GAB4: variants seen among roughly 807,000 people sequenced by gnomAD.
The protein encoded by GAB4 is GRB2-associated-binding protein 4.
In GAB4, 26 loss-of-function variants were observed where a neutral mutation model predicts 51.3. The ratio of observed to expected loss-of-function variants is 0.51; its 90% CI spans 0.37 to 0.70. The LOEUF is 0.70. GAB4 is among the 30% of genes least tolerant of loss of function. GAB4 has a pLI of 0.00. For synonymous variants in GAB4, 329 were observed against 291.2 expected, an observed-to-expected ratio of 1.13 and a Z score of -1.32; for missense variants, 759 against 734.6, an observed-to-expected ratio of 1.03 and a Z score of -0.38.
chr22:17,004,759 T>C (rs746000520), intron 1 of GAB4, among the ~76,000 whole-genome samples: 103 of 152,188 alleles, frequency 6.8e-4, no homozygotes, highest in Non-Finnish European at 6.3e-4. Flanking sequence ...AACCACATGA[T>C]TATCTCAATA....
intron 3 of GAB4, among the ~76,000 whole-genome samples, chr22:16,986,802 T>C (rs932534624): frequency 1.3e-5 from 2 of 152,266 alleles, no homozygotes; most frequent in Admixed American, 1.3e-4. Flanking sequence ...GCGGAACTGC[T>C]GAAAGTTCAC....
intron 1 of GAB4, among the ~76,000 whole-genome samples, chr22:16,995,257 G>A (rs77961763): frequency 0.013 from 1,905 of 152,268 alleles, 16 homozygotes; most frequent in East Asian, 0.048. Flanking sequence ...AATGGAATAC[G>A]GTTTCCCAAA....
At chr22:17,004,357 C>T (rs2061022238) in intron 1 of GAB4, among the ~76,000 whole-genome samples, 1 of 152,168 alleles carries the variant, frequency 6.6e-6, no homozygotes, top group Admixed American at 6.5e-5. Flanking sequence ...ATACAAAACC[C>T]TAGCAGAGAC....
At chr22:16,993,762 C>T (rs192460325) in intron 1 of GAB4, among the ~76,000 whole-genome samples, 1 of 152,302 alleles carries the variant, frequency 6.6e-6, no homozygotes, top group African/African-American at 2.4e-5. Context: ...TGTTTTGCAA[C>T]AATTTCTCAA....
At chr22:17,007,891 C>T (rs761926664) in intron 1 of GAB4, 50 bp downstream of exon 1, 2 of 1,509,458 alleles carry the variant, frequency 1.3e-6, no homozygotes, top group Non-Finnish European at 1.8e-6. Flanking sequence ...CTCCCGGAGT[C>T]CCCAGACCCT....
chr22:16,968,522 C>T lies in GAB4; in HGVS notation c.938-139G>A, dbSNP rs1282482450. The T allele has an allele frequency of 6.0e-6, 4 of 665,278 alleles. No individual in the cohort carries two copies. In the South Asian group the frequency reaches 6.8e-5, roughly 11 times the overall value. 41.2% of individuals were successfully genotyped at this position (665,278 alleles called of 1,614,324 possible). On this transcript the variant is annotated intron_variant, in intron 4 of 9. Coordinates refer to ENST00000400588, the MANE Select transcript of GAB4 (RefSeq NM_001037814.1). ...TCAACCCCAAATGACAAAGCGTTACCTCTAACACATCCCTGCTCCCTACCA... is the reference window on the plus strand; with the variant it reads ...TCAACCCCAAATGACAAAGCGTTACTTCTAACACATCCCTGCTCCCTACCA...
rs766772055 is a variant in GAB4, at chr22:16,988,181, A to C, written c.479-14T>G. On this transcript the variant is annotated splice_polypyrimidine_tract_variant and intron_variant, in intron 2 of 9. Coordinates refer to ENST00000400588, the MANE Select transcript of GAB4 (RefSeq NM_001037814.1). Reference sequence around the variant, plus strand: ...TTCCCAGGAAGCCTGTGAATGAAACAGGAAGGAAGGGCATCCTTGTCCTAA... The same window carrying C: ...TTCCCAGGAAGCCTGTGAATGAAACCGGAAGGAAGGGCATCCTTGTCCTAA... The C allele has an allele frequency of 1.3e-6, 2 of 1,584,940 alleles. No individual in the cohort carries two copies. The highest frequency in any genetic ancestry group is 2.7e-5 in the African/African-American group (2 of 74,462).
chr22:16,962,570 C>T lies in GAB4; in HGVS notation c.*163G>A. On this transcript the variant is annotated 3_prime_UTR_variant, in exon 10 of 10. Transcript: ENST00000400588. ...AGGGGGTGAAGGTGGGGACCATGGCCAGCCAAAGGCACAGGTGGGCCCCAA... is the reference window on the plus strand; with the variant it reads ...AGGGGGTGAAGGTGGGGACCATGGCTAGCCAAAGGCACAGGTGGGCCCCAA... 1.9e-6 allele frequency: 1 copy of T among 535,980 alleles called. No homozygotes were observed. The highest frequency in any genetic ancestry group is 3.0e-6 in the Non-Finnish European group (1 of 333,940). The allele number at this position is 535,980 out of a possible 1,614,324, so 33.2% of individuals were successfully genotyped here.
Position 16,990,978 on chromosome 22 carries a change from T to C in GAB4, c.478+895A>G, listed in dbSNP as rs559858086. ...TGATGAGCTGAGAATGGTTTTTACA[T>C]TTTCAAAGGATTGTAACATTAAAAA... On this transcript the variant is annotated intron_variant, in intron 2 of 9. Coordinates refer to ENST00000400588, the MANE Select transcript of GAB4 (RefSeq NM_001037814.1). 1.9e-3 allele frequency among the ~76,000 whole-genome samples: 290 copies of C among 152,106 alleles called. 2 individuals are homozygous for C. The highest frequency in any genetic ancestry group is 6.7e-3 in the African/African-American group (277 of 41,504).
intron 3 of GAB4, among the ~76,000 whole-genome samples, chr22:16,974,139 T>C (rs1368809564): frequency 6.6e-6 from 1 of 152,226 alleles, no homozygotes; most frequent in Non-Finnish European, 1.5e-5. Context: ...AGGAGAACTC[T>C]GAGGACTCCA....
chr22:16,999,860 CA>C (rs2060982554), intron 1 of GAB4, among the ~76,000 whole-genome samples: 1 of 152,162 alleles, frequency 6.6e-6, no homozygotes, highest in Non-Finnish European at 1.5e-5. Context: ...TCATTGGTTT[CA>C]AAGAACATCT....
intron 2 of GAB4, among the ~76,000 whole-genome samples, chr22:16,990,289 T>C (rs2060903472): frequency 6.6e-6 from 1 of 152,172 alleles, no homozygotes; most frequent in Non-Finnish European, 1.5e-5. Flanking sequence ...TACCAACCTC[T>C]TTCTCATCAC....
chr22:16,970,810 A>T (rs1318417309), intron 3 of GAB4, among the ~76,000 whole-genome samples: 10 of 152,216 alleles, frequency 6.6e-5, no homozygotes, highest in Non-Finnish European at 1.0e-4. Flanking sequence ...TACGGTGGTT[A>T]GAGAGGCAAT....
chr22:16,963,894 C>G (rs2060650022), intron 8 of GAB4, 65 bp from the exon 9 acceptor site: 1 of 1,292,068 alleles, frequency 7.7e-7, no homozygotes, highest in Non-Finnish European at 1.1e-6. Context: ...CCCAGTGGAA[C>G]ACACCTGTGG....
At chr22:16,987,904 A>G in intron 3 of GAB4, 56 bp downstream of exon 3, 1 of 1,347,808 alleles carries the variant, frequency 7.4e-7, no homozygotes, top group South Asian at 1.3e-5. Flanking sequence ...TCAGGGACTG[A>G]ATAGAACAAG....
At chr22:17,006,404 G>T (rs1053375145) in intron 1 of GAB4, among the ~76,000 whole-genome samples, 1 of 152,170 alleles carries the variant, frequency 6.6e-6, no homozygotes, top group African/African-American at 2.4e-5. Context: ...TTACACTGTT[G>T]GTTGGAGTGT....
chr22:16,986,671 C>T (rs564849727), intron 3 of GAB4, among the ~76,000 whole-genome samples: 1 of 152,332 alleles, frequency 6.6e-6, no homozygotes, highest in South Asian at 2.1e-4. Flanking sequence ...ACTGCCTATC[C>T]CTGGTCTGGG....
intron 2 of GAB4, among the ~76,000 whole-genome samples, chr22:16,988,801 C>T (rs1192865169): frequency 6.6e-6 from 1 of 152,218 alleles, no homozygotes; most frequent in African/African-American, 2.4e-5. Flanking sequence ...CTTTCCTATA[C>T]CCACGACCAA....
chr22:16,979,467 A>G (rs2110145), intron 3 of GAB4, among the ~76,000 whole-genome samples: 152,262 of 152,284 alleles, frequency 1, 76,120 homozygotes, highest in Middle Eastern at 1. Flanking sequence ...ACAAGGGATG[A>G]GAAGGACCTC....
Sources: gnomAD v4.1 joint callset for allele counts (sites outside exome capture counted in the v4.1 genomes callset) on GRCh38, gnomAD v4.1.1 for gene constraint, MANE v1.5 for transcripts, NCBI Gene and HGNC (gene_info 2026-07-23, HGNC 2026-07-21) for gene names.